The following USP8 variants were observed in gnomAD, a reference collection of about 807,000 sequenced individuals.
USP8 encodes ubiquitin carboxyl-terminal hydrolase 8.
USP8 carries 27 observed loss-of-function variants against 130.0 expected under a neutral mutation model. The ratio of observed to expected loss-of-function variants is 0.21; its 90% CI spans 0.15 to 0.29. The LOEUF is 0.29. Ranked by LOEUF, USP8 falls within the 10% of genes least tolerant of loss-of-function variation. USP8 has a pLI of 1.00. For missense variants in USP8, 1,029 were observed against 1,312.2 expected (o/e 0.78, Z 3.33); for synonymous variants, 392 against 444.1 (o/e 0.88, Z 1.48).
intron 3 of USP8, among the ~76,000 whole-genome samples, chr15:50,444,812 G>T (rs576853261): frequency 6.6e-6 from 1 of 152,240 alleles, no homozygotes; most frequent in Non-Finnish European, 1.5e-5. Context: ...GTTGGAGTGC[G>T]GTGGGCACAG....
At position 50,459,392 on chromosome 15, in the gene USP8, C is replaced by T. The variant is rs868080445; in HGVS notation, c.498+230C>T. 3.3e-5 allele frequency among the ~76,000 whole-genome samples: 5 copies of T among 152,034 alleles called. No homozygotes were observed. In the South Asian group the frequency reaches 6.2e-4, roughly 19 times the overall value. On this transcript the variant is annotated intron_variant, in intron 5 of 19. Coordinates refer to ENST00000307179, the MANE Select transcript of USP8 (RefSeq NM_005154.5). ...TGAGGCCAGGAGCTCAAAACCAGCCCGGCCAACATAGCGAAACCCCGACTC... is the reference window on the plus strand; with the variant it reads ...TGAGGCCAGGAGCTCAAAACCAGCCTGGCCAACATAGCGAAACCCCGACTC...
rs2052230615 is a variant in USP8 at position 50,492,907 on chromosome 15, T to C, written c.2441T>C (p.Ile814Thr). 6.2e-7 allele frequency: 1 copy of C among 1,613,460 alleles called. No homozygotes were observed. The highest frequency in any genetic ancestry group is 1.3e-5 in the African/African-American group (1 of 74,922). Residue 814 changes from isoleucine to threonine, a missense_variant, in exon 15 of 20, where the codon ATT (isoleucine) becomes ACT (threonine). By Grantham distance (89) the Ile-to-Thr change is moderately conservative. Coordinates refer to ENST00000307179, the MANE Select transcript of USP8 (RefSeq NM_005154.5). ...AACCGAAACTGTTATCAGGATGATA[T>C]TAACAGGTAAATACATGTCATACTT... Reference protein sequence around the residue: ...YFNRNCYQDDINRSNLLGHKG... With the variant: ...YFNRNCYQDDTNRSNLLGHKG...
chr15:50,470,317 G>A (rs900886087), intron 7 of USP8, among the ~76,000 whole-genome samples: 1 of 152,130 alleles, frequency 6.6e-6, no homozygotes, highest in African/African-American at 2.4e-5. Context: ...TTGGAAATGG[G>A]AATATCATGT....
At chr15:50,484,157 C>CT in intron 11 of USP8, 118 bp from the exon 12 acceptor site, 61 of 726,082 alleles carry the variant, frequency 8.4e-5, no homozygotes, top group Non-Finnish European at 1.0e-4. Flanking sequence ...TTTCAGAGGC[C>CT]TTTTTTTTCT....
intron 5 of USP8, among the ~76,000 whole-genome samples, chr15:50,459,978 AG>A (rs2050925961): frequency 1.7e-5 from 1 of 59,304 alleles, no homozygotes; most frequent in South Asian, 6.0e-4. Flanking sequence ...TTTCTCCCCC[AG>A]TTCCCCCACC....
chr15:50,447,095 G>C (rs900951913), intron 3 of USP8, among the ~76,000 whole-genome samples: 4 of 152,200 alleles, frequency 2.6e-5, no homozygotes, highest in African/African-American at 9.6e-5. Context: ...TATTGAATTA[G>C]AGCTCAGGTC....
rs990709660 is a variant in USP8 at position 50,508,281 on chromosome 15, G to A, written c.*9193G>A. 2 of 151,946 alleles carry A rather than the reference G, an allele frequency of 1.3e-5. No homozygotes were observed. The highest frequency in any genetic ancestry group is 6.6e-5 in the Admixed American group (1 of 15,232). The allele number at this position is 151,946 out of a possible 1,614,324, so 9.4% of individuals were successfully genotyped here. ...ATGAAAATACTATATCAAAACATGG[G>A]ATGCACTGATGTCTGAGAATGTCTT... On this transcript the variant is annotated 3_prime_UTR_variant, in exon 20 of 20. Transcript: ENST00000307179.
At chr15:50,480,758 G>A (rs2051738308) in intron 10 of USP8, among the ~76,000 whole-genome samples, 1 of 151,946 alleles carries the variant, frequency 6.6e-6, no homozygotes, top group Non-Finnish European at 1.5e-5. Flanking sequence ...GAGCATAGTG[G>A]GTAGCAAATC....
intron 12 of USP8, 39 bp from the exon 13 acceptor site, chr15:50,489,762 A>G (rs1284729341): frequency 1.6e-5 from 22 of 1,333,678 alleles, no homozygotes; most frequent in Non-Finnish European, 2.1e-5. Flanking sequence ...AGATTTAAAA[A>G]AAATTTTTTT....
intron 4 of USP8, chr15:50,458,496 T>G (rs2050868751): frequency 6.2e-6 from 1 of 160,100 alleles, no homozygotes; most frequent in South Asian, 1.7e-4. Flanking sequence ...AGATATCTGC[T>G]AACTGTAGTT....
At chr15:50,480,487 A>C (rs562561447) in intron 10 of USP8, among the ~76,000 whole-genome samples, 2 of 152,322 alleles carry the variant, frequency 1.3e-5, no homozygotes, top group South Asian at 2.1e-4. Context: ...GTATTATAAG[A>C]GCATGTATCA....
intron 14 of USP8, among the ~76,000 whole-genome samples, chr15:50,492,366 G>C (rs752870836): frequency 1.3e-5 from 2 of 151,974 alleles, no homozygotes; most frequent in Non-Finnish European, 2.9e-5. Context: ...AACTTCCAGG[G>C]ATCATTTAAA....
rs184027516 is a variant in USP8 at position 50,482,113 on chromosome 15, A to C, written c.1803+48A>C. On this transcript the variant is annotated intron_variant, in intron 11 of 19. Coordinates refer to ENST00000307179, the MANE Select transcript of USP8 (RefSeq NM_005154.5). Reference sequence around the variant, plus strand: ...GCCAACGAAGTGAAAGAAAATGTATATGAAAATGTGAAAACACCAGTGGCA... The same window carrying C: ...GCCAACGAAGTGAAAGAAAATGTATCTGAAAATGTGAAAACACCAGTGGCA... 219 of 1,447,486 alleles carry C rather than the reference A, an allele frequency of 1.5e-4. 1 individual carries two copies. In the East Asian group the frequency reaches 5.2e-3, roughly 35 times the overall value. The allele number at this position is 1,447,486 out of a possible 1,614,324, so 89.7% of individuals were successfully genotyped here. A position where few individuals can be genotyped will look rare whatever the true frequency, so the allele number is the denominator to read the frequency against.
In USP8 at chr15:50,449,405, T is replaced by C. The variant is rs2050543530; in HGVS notation, c.255T>C (p.Tyr85=). The change falls in exon 4 of 20, where the codon TAT becomes TAC. Residue 85 remains tyrosine (Y), a synonymous_variant. Transcript: ENST00000307179. ...KRPDFKQQQD[Y]FHSILGPGNI... ...TGGTTTTCCTATAATTTTAGGATTATTTCCATTCAATACTTGGACCTGGAA... is the reference window on the plus strand; with the variant it reads ...TGGTTTTCCTATAATTTTAGGATTACTTCCATTCAATACTTGGACCTGGAA... 1.3e-5 allele frequency: 20 copies of C among 1,575,944 alleles called. No individual in the cohort carries two copies. Among genetic ancestry groups the C allele is most frequent in the Non-Finnish European group, 1.6e-5 (19 of 1,160,468 alleles).
At chr15:50,496,960 G>A in intron 17 of USP8, 129 bp from the exon 18 acceptor site, 2 of 1,200,266 alleles carry the variant, frequency 1.7e-6, no homozygotes, top group Non-Finnish European at 2.3e-6. Context: ...CTTTGGGAAG[G>A]CAGGAACTCT....
rs2052733853 is a variant in USP8 at position 50,511,102 on chromosome 15, A to G, written c.*12014A>G. On this transcript the variant is annotated 3_prime_UTR_variant, in exon 20 of 20. Coordinates refer to ENST00000307179, the MANE Select transcript of USP8 (RefSeq NM_005154.5). Reference sequence around the variant, plus strand: ...CGATGTACACCAATGTTCTCTGTACAATTCTTTCAGATTTTCTGAATGTTT... The same window carrying G: ...CGATGTACACCAATGTTCTCTGTACGATTCTTTCAGATTTTCTGAATGTTT... 3 of 152,288 alleles carry G rather than the reference A, an allele frequency of 2.0e-5. No homozygotes were observed. The highest frequency in any genetic ancestry group is 4.4e-5 in the Non-Finnish European group (3 of 68,022). 9.4% of individuals were successfully genotyped at this position (152,288 alleles called of 1,614,324 possible).
intron 9 of USP8, 96 bp downstream of exon 9, chr15:50,477,089 C>A: frequency 6.7e-7 from 1 of 1,490,966 alleles, no homozygotes. Context: ...TGTATTTGTC[C>A]TATTAGAGAG....
intron 3 of USP8, among the ~76,000 whole-genome samples, chr15:50,445,567 A>AAAAAAAAAAAAAAAAAAAC (rs2050405560): frequency 8.4e-6 from 1 of 119,332 alleles, no homozygotes; most frequent in Non-Finnish European, 1.7e-5. Flanking sequence ...AAAAAAAAAA[A>AAAAAAAAAAAAAAAAAAAC]AAGCCTGGGC....
In USP8 at chr15:50,492,794, T is replaced by C. The variant is rs776350674; in HGVS notation, c.2328T>C (p.Leu776=). The change falls in exon 15 of 20, where the codon CTT becomes CTC. Residue 776 remains leucine, a synonymous_variant. Transcript: ENST00000307179. ...NPVFGGSGPA[L]TGLRNLGNTC... ...TTTTTGGAGGTTCTGGACCAGCTCT[T>C]ACTGGACTTCGTAACTTAGGAAATA... 1 of 1,614,216 alleles carries C rather than the reference T, an allele frequency of 6.2e-7. No homozygotes were observed. Among genetic ancestry groups the C allele is most frequent in the East Asian group, 2.2e-5 (1 of 44,874 alleles).
Sources: gnomAD v4.1 joint callset for allele counts (sites outside exome capture counted in the v4.1 genomes callset) on GRCh38, gnomAD v4.1.1 for gene constraint, MANE v1.5 for transcripts, NCBI Gene and HGNC (gene_info 2026-07-23, HGNC 2026-07-21) for gene names.